The following SRGAP3 variants were observed in gnomAD, a reference collection of about 807,000 sequenced individuals.
SRGAP3 encodes the protein SLIT-ROBO Rho GTPase activating protein 3.
In SRGAP3, 39 loss-of-function variants were observed where a neutral mutation model predicts 121.1. That is an observed-to-expected ratio of 0.32 (90% confidence interval 0.25 to 0.42). SRGAP3 has a LOEUF of 0.42. Ranked by LOEUF, SRGAP3 falls within the 10% of genes least tolerant of loss-of-function variation. The pLI is 1.00. For synonymous variants in SRGAP3, 601 were observed against 570.0 expected (o/e 1.05, Z -0.77); for missense variants, 1,213 against 1,470.6 (o/e 0.82, Z 2.86).
chr3:9,267,193 C>T (rs1266746396), intron 3 of SRGAP3, among the ~76,000 whole-genome samples: 1 of 152,166 alleles, frequency 6.6e-6, no homozygotes, highest in African/African-American at 2.4e-5. Flanking sequence ...AGCAATAAGA[C>T]TTCTACTTCC....
intron 1 of SRGAP3, among the ~76,000 whole-genome samples, chr3:9,223,693 A>G (rs1253665588): frequency 6.6e-6 from 1 of 152,194 alleles, no homozygotes; most frequent in East Asian, 1.9e-4. Flanking sequence ...CCAGCCACTC[A>G]TCAGGTGTTC....
intron 8 of SRGAP3, among the ~76,000 whole-genome samples, chr3:9,055,951 G>A (rs1945799627): frequency 2.0e-5 from 3 of 152,188 alleles, no homozygotes; most frequent in Non-Finnish European, 2.9e-5. Context: ...CCAGGCTAGA[G>A]TGCAGTGGCG....
chr3:9,093,526 C>T (rs1947841947), intron 3 of SRGAP3, among the ~76,000 whole-genome samples: 1 of 151,992 alleles, frequency 6.6e-6, no homozygotes, highest in Non-Finnish European at 1.5e-5. Context: ...TTCATCCATC[C>T]ATATACCCAT....
At chr3:9,229,288 T>C (rs1307257802) in intron 1 of SRGAP3, among the ~76,000 whole-genome samples, 1 of 152,148 alleles carries the variant, frequency 6.6e-6, no homozygotes, top group African/African-American at 2.4e-5. Flanking sequence ...CTTCTTTCTG[T>C]GGCTAGGTAG....
At chr3:9,052,455 T>C (rs1469582206) in intron 9 of SRGAP3, among the ~76,000 whole-genome samples, 1 of 152,206 alleles carries the variant, frequency 6.6e-6, no homozygotes, top group African/African-American at 2.4e-5. Flanking sequence ...AAGCATCCCA[T>C]GGAAGATTTA....
intron 3 of SRGAP3, among the ~76,000 whole-genome samples, chr3:9,298,434 C>T (rs1954990489): frequency 6.6e-6 from 1 of 152,082 alleles, no homozygotes; most frequent in Non-Finnish European, 1.5e-5. Context: ...TTCAAAACAC[C>T]CTACATAATG....
chr3:9,288,580 C>CTT (rs71049785), intron 3 of SRGAP3, among the ~76,000 whole-genome samples: 431 of 143,396 alleles, frequency 3.0e-3, no homozygotes, highest in Non-Finnish European at 5.3e-3. Context: ...TTCACTTTGT[C>CTT]TTTTTTTTTT....
intron 3 of SRGAP3, among the ~76,000 whole-genome samples, chr3:9,093,256 A>C (rs1947829325): frequency 6.6e-6 from 1 of 152,160 alleles, no homozygotes. Flanking sequence ...TCATTTTATA[A>C]CCTGATCTTC....
intron 21 of SRGAP3, among the ~76,000 whole-genome samples, chr3:8,986,727 A>C (rs1225939445): frequency 1.4e-5 from 2 of 147,504 alleles, no homozygotes; most frequent in Non-Finnish European, 1.5e-5. Context: ...TATTATAATC[A>C]GAAAATTTTT....
intron 1 of SRGAP3, chr3:9,348,560 T>C: frequency 1.3e-6 from 1 of 791,110 alleles, no homozygotes; most frequent in African/African-American, 1.7e-5. Context: ...GGAGGCGAAG[T>C]GTGGCAGGCA....
At chr3:9,309,788 G>A (rs1010869238) in intron 3 of SRGAP3, among the ~76,000 whole-genome samples, 3 of 152,118 alleles carry the variant, frequency 2.0e-5, no homozygotes, top group Non-Finnish European at 4.4e-5. Context: ...GAACATGGGA[G>A]GTCGAGGCTG....
At chr3:9,013,268 A>G in intron 17 of SRGAP3, 40 bp downstream of exon 17, 1 of 1,587,968 alleles carries the variant, frequency 6.3e-7, no homozygotes, top group Non-Finnish European at 8.6e-7. Context: ...TGGCAATAAC[A>G]ATGACGATGA....
At position 8,981,091 on chromosome 3, in the gene SRGAP3, G is replaced by A. The variant is rs902656112; in HGVS notation, c.*4428C>T. On this transcript the variant is annotated 3_prime_UTR_variant, in exon 22 of 22. Transcript: ENST00000383836. ...CCATGTGGCCAGTCCCAGAGGGACA[G>A]CAGGACACTGGCAGATCAATCTCAG... is the stretch of plus-strand genomic sequence containing the variant. 8.6e-6 allele frequency: 2 copies of A among 233,064 alleles called. No homozygotes were observed. The highest frequency in any genetic ancestry group is 1.7e-5 in the Non-Finnish European group (2 of 117,862). The allele number at this position is 233,064 out of a possible 1,614,324, so 14.4% of individuals were successfully genotyped here.
At chr3:9,122,094 A>G (rs1225998694) in intron 2 of SRGAP3, among the ~76,000 whole-genome samples, 2 of 152,206 alleles carry the variant, frequency 1.3e-5, no homozygotes, top group African/African-American at 2.4e-5. Context: ...CACCATCCTC[A>G]TCTTTACGAT....
At chr3:9,202,734 G>A (rs1265498896) in intron 1 of SRGAP3, among the ~76,000 whole-genome samples, 1 of 152,232 alleles carries the variant, frequency 6.6e-6, no homozygotes, top group African/African-American at 2.4e-5. Flanking sequence ...CTGGGACTCT[G>A]TGCCTCGCAG....
intron 6 of SRGAP3, chr3:9,059,409 G>A (rs1946009209): frequency 6.6e-6 from 1 of 152,302 alleles, no homozygotes; most frequent in Non-Finnish European, 1.5e-5. Context: ...CCCTCTCCTT[G>A]CGATGCTGAC....
chr3:9,317,178 G>A (rs979643205), intron 3 of SRGAP3, among the ~76,000 whole-genome samples: 16 of 152,178 alleles, frequency 1.1e-4, no homozygotes, highest in African/African-American at 3.1e-4. Context: ...AGTGAAAAGC[G>A]CCTTTGCTCT....
intron 18 of SRGAP3, among the ~76,000 whole-genome samples, chr3:9,006,613 C>A (rs1373825986): frequency 6.6e-6 from 1 of 152,062 alleles, no homozygotes; most frequent in Non-Finnish European, 1.5e-5. Context: ...TGTAAACAGA[C>A]CAACAGGGGG....
At chr3:9,030,149 CAATA>C (rs1944406932) in intron 12 of SRGAP3, among the ~76,000 whole-genome samples, 1 of 145,648 alleles carries the variant, frequency 6.9e-6, no homozygotes, top group Non-Finnish European at 1.5e-5. Context: ...AAGACTGCCT[CAATA>C]AATGAATGAA....
Sources: gnomAD v4.1 joint callset for allele counts (sites outside exome capture counted in the v4.1 genomes callset) on GRCh38, gnomAD v4.1.1 for gene constraint, MANE v1.5 for transcripts, NCBI Gene and HGNC (gene_info 2026-07-23, HGNC 2026-07-21) for gene names.